The following GADL1 variants were observed in gnomAD, a reference collection of about 807,000 sequenced individuals.
The protein encoded by GADL1 is GAD like acidic amino acid decarboxylase 1.
GADL1 carries 71 observed loss-of-function variants against 69.5 expected under a neutral mutation model. The observed-to-expected ratio is 1.02, with a 90% CI of 0.84 to 1.25. The LOEUF (loss-of-function observed/expected upper bound fraction) is 1.25. Among genes scored for constraint, GADL1 ranks in the 50% most tolerant of loss-of-function variants. GADL1 has a pLI of 0.00. For missense variants in GADL1, 737 were observed against 631.8 expected (o/e 1.17, Z -1.79); for synonymous variants, 254 against 214.4 (o/e 1.18, Z -1.62).
intron 14 of GADL1, among the ~76,000 whole-genome samples, chr3:30,752,647 A>G (rs1695854058): frequency 6.6e-6 from 1 of 152,162 alleles, no homozygotes. Flanking sequence ...GAAAACGTCC[A>G]CTGGAGCATA....
rs764383589 is a variant in GADL1, at chr3:30,833,957, G to T, written c.969-23C>A. On this transcript the variant is annotated intron_variant, in intron 10 of 14. Coordinates refer to ENST00000282538, the MANE Select transcript of GADL1 (RefSeq NM_207359.3). ...GCCCTATTGTTTAAACAAAGGGACAGAGTAGGGAGAGGACTCAATTAGTTT... is the reference window on the plus strand; with the variant it reads ...GCCCTATTGTTTAAACAAAGGGACATAGTAGGGAGAGGACTCAATTAGTTT... 13 of 1,536,960 alleles carry T rather than the reference G, an allele frequency of 8.5e-6. No homozygotes were observed. The African/African-American group carries it at 1.2e-4, about 15-fold the overall frequency.
intron 14 of GADL1, among the ~76,000 whole-genome samples, chr3:30,741,158 G>C (rs181673148): frequency 1.5e-5 from 2 of 137,924 alleles, no homozygotes; most frequent in African/African-American, 5.5e-5. Context: ...TAGGTGGTTT[G>C]TTTGTATAAA....
intron 14 of GADL1, among the ~76,000 whole-genome samples, chr3:30,775,348 CAAGATAAACCCT>C (rs1480125872): frequency 6.6e-5 from 10 of 152,176 alleles, no homozygotes; most frequent in African/African-American, 1.9e-4. Flanking sequence ...ATTCTCTATC[CAAGATAAACCCT>C]GAAATAAATT....
chr3:30,831,511 C>G (rs957509471), intron 11 of GADL1, among the ~76,000 whole-genome samples: 2 of 151,900 alleles, frequency 1.3e-5, no homozygotes, highest in African/African-American at 4.8e-5. Context: ...CACTTGATAT[C>G]GCAAAGTCTG....
chr3:30,780,810 C>T (rs1310512096), intron 13 of GADL1, among the ~76,000 whole-genome samples: 1 of 152,190 alleles, frequency 6.6e-6, no homozygotes, highest in Non-Finnish European at 1.5e-5. Context: ...CACTTCACTT[C>T]ATTGGAAGAA....
chr3:30,741,100 T>G (rs1695617233), intron 14 of GADL1, among the ~76,000 whole-genome samples: 1 of 72,826 alleles, frequency 1.4e-5, no homozygotes, highest in Non-Finnish European at 2.4e-5. Context: ...GTATTATATA[T>G]ATGTATTCCT....
intron 14 of GADL1, among the ~76,000 whole-genome samples, chr3:30,763,616 TTTGC>T: frequency 2.6e-5 from 4 of 152,152 alleles, no homozygotes; most frequent in African/African-American, 9.7e-5. Flanking sequence ...CTTAGATGAT[TTTGC>T]CCAACTATAG....
intron 6 of GADL1, among the ~76,000 whole-genome samples, chr3:30,848,117 C>T (rs1698085703): frequency 1.3e-5 from 2 of 152,166 alleles, no homozygotes; most frequent in Admixed American, 6.5e-5. Flanking sequence ...CACATTGAAA[C>T]ATCCAGGGCT....
At chr3:30,761,038 C>T (rs1395779371) in intron 14 of GADL1, among the ~76,000 whole-genome samples, 2 of 149,868 alleles carry the variant, frequency 1.3e-5, no homozygotes, top group Admixed American at 6.6e-5. Flanking sequence ...ACCCACAAAA[C>T]ATTTTGCAAC....
At chr3:30,802,458 C>G (rs1697182968) in intron 11 of GADL1, among the ~76,000 whole-genome samples, 1 of 144,418 alleles carries the variant, frequency 6.9e-6, no homozygotes, top group Admixed American at 7.2e-5. Flanking sequence ...TTTAACAATG[C>G]AAAACTACTA....
At chr3:30,777,687 C>T (rs1267301500) in intron 14 of GADL1, among the ~76,000 whole-genome samples, 2 of 152,124 alleles carry the variant, frequency 1.3e-5, no homozygotes, top group South Asian at 2.1e-4. Context: ...ACATTTTGTT[C>T]GATGATCAGC....
chr3:30,735,152 G>T (rs1188473211), intron 14 of GADL1, among the ~76,000 whole-genome samples: 3 of 152,128 alleles, frequency 2.0e-5, no homozygotes, highest in Non-Finnish European at 2.9e-5. Context: ...CTTGATCCAT[G>T]CAGTAAAGAA....
Position 30,869,494 on chromosome 3 carries a change from T to A in GADL1, c.38-7729A>T, listed in dbSNP as rs140108890. Among the ~76,000 whole-genome samples the A allele has an allele frequency of 2.5e-4, 38 of 151,998 alleles. No homozygotes were observed. In the East Asian group the frequency reaches 7.2e-3, roughly 29 times the overall value. ...GCAACTTAGTCCCTGGATCTAGCCC[T>A]GTGATTTGATAGAATCATAAAGAAG... On this transcript the variant is annotated intron_variant, in intron 1 of 14. Coordinates refer to ENST00000282538, the MANE Select transcript of GADL1 (RefSeq NM_207359.3).
intron 9 of GADL1, among the ~76,000 whole-genome samples, 174 bp from the exon 10 acceptor site, chr3:30,834,455 C>A (rs1320614162): frequency 6.6e-6 from 1 of 152,056 alleles, no homozygotes; most frequent in African/African-American, 2.4e-5. Flanking sequence ...CTCAGGCAAC[C>A]AGAACCTCAT....
chr3:30,844,145 A>G (rs1698014892), intron 8 of GADL1, 65 bp downstream of exon 8: 1 of 1,259,712 alleles, frequency 7.9e-7, no homozygotes, highest in South Asian at 1.4e-5. Flanking sequence ...CCTCTCTTTC[A>G]TAAGCGCGCG....
chr3:30,793,462 C>CT (rs1205807951), intron 12 of GADL1, among the ~76,000 whole-genome samples: 2 of 152,016 alleles, frequency 1.3e-5, no homozygotes, highest in African/African-American at 4.8e-5. Context: ...AAACCATAAA[C>CT]TACTATCAAA....
At chr3:30,729,948 T>C (rs1330803862) in intron 14 of GADL1, among the ~76,000 whole-genome samples, 4 of 151,932 alleles carry the variant, frequency 2.6e-5, no homozygotes, top group African/African-American at 9.7e-5. Flanking sequence ...GAAAAGAAAA[T>C]ATATGAGTGT....
chr3:30,736,422 T>G (rs560810947), intron 14 of GADL1, among the ~76,000 whole-genome samples: 93 of 152,256 alleles, frequency 6.1e-4, no homozygotes, highest in African/African-American at 2.1e-3. Flanking sequence ...AATGAAATAA[T>G]GAGAACACAA....
intron 9 of GADL1, among the ~76,000 whole-genome samples, chr3:30,835,360 G>T (rs768653779): frequency 6.6e-6 from 1 of 152,056 alleles, no homozygotes; most frequent in Non-Finnish European, 1.5e-5. Context: ...GAATTTAAAG[G>T]CATAGGTAGA....
Sources: gnomAD v4.1 joint callset for allele counts (sites outside exome capture counted in the v4.1 genomes callset) on GRCh38, gnomAD v4.1.1 for gene constraint, MANE v1.5 for transcripts, NCBI Gene and HGNC (gene_info 2026-07-23, HGNC 2026-07-21) for gene names.